Variants in AAMDC observed in about 807,000 individuals in gnomAD.
AAMDC encodes mth938 domain-containing protein.
In AAMDC, 16 loss-of-function variants were observed where a neutral mutation model predicts 15.5. That is an observed-to-expected ratio of 1.03 (90% CI 0.70 to 1.57). AAMDC has a LOEUF of 1.57. AAMDC is among the 40% of genes most tolerant of loss of function. AAMDC has a pLI of 0.00. For synonymous variants in AAMDC, 51 were observed against 51.6 expected, an observed-to-expected ratio of 0.99 and a Z score of 0.05; for missense variants, 141 against 144.9, an observed-to-expected ratio of 0.97 and a Z score of 0.14.
chr11:77,884,399 A>T (rs940546729), intron 5 of AAMDC, among the ~76,000 whole-genome samples: 2 of 152,110 alleles, frequency 1.3e-5, no homozygotes, highest in African/African-American at 4.8e-5. Flanking sequence ...CTCTCTCTCT[A>T]CGGAGAGACG....
intron 1 of AAMDC, among the ~76,000 whole-genome samples, chr11:77,824,790 A>G (rs1347641146): frequency 2.0e-5 from 3 of 152,338 alleles, no homozygotes; most frequent in Non-Finnish European, 1.5e-5. Flanking sequence ...TTATTTCTCA[A>G]AATTCATTGA....
At chr11:77,880,123 G>A (rs780240791) in intron 5 of AAMDC, among the ~76,000 whole-genome samples, 1 of 152,186 alleles carries the variant, frequency 6.6e-6, no homozygotes, top group African/African-American at 2.4e-5. Context: ...AGTGAGCTTG[G>A]GATGTCTCCT....
rs1455459273 is a variant in AAMDC, at chr11:77,832,993, GTGTGTA to G, written c.-18-9484_-18-9479del. Among the ~76,000 whole-genome samples the G allele has an allele frequency of 8.8e-4, 47 of 53,536 alleles. 2 individuals carry two copies. The highest frequency in any genetic ancestry group is 0.018 in the Middle Eastern group (2 of 110). The allele number at this position is 53,536 out of a possible 152,430, so 35.1% of individuals were successfully genotyped here. ...TGTGTGTGTGTGTGTGTGTGTGTGT[GTGTGTA>G]TATATATATATTTTTTTTTTTTTTT... On this transcript the variant is annotated intron_variant, in intron 1 of 3. Transcript: ENST00000393427.
At chr11:77,884,078 C>T (rs1951894912) in intron 5 of AAMDC, 1 of 934,704 alleles carries the variant, frequency 1.1e-6, no homozygotes, top group Admixed American at 2.3e-5. Flanking sequence ...TAAGATTGAG[C>T]CTTGGGGGTA....
chr11:77,902,643 C>A (rs1952812478), downstream of AAMDC, among the ~76,000 whole-genome samples: 2 of 152,118 alleles, frequency 1.3e-5, no homozygotes, highest in Admixed American at 1.3e-4. Flanking sequence ...GTTAATTAAG[C>A]TAATAGACTT....
intron 5 of AAMDC, among the ~76,000 whole-genome samples, chr11:77,897,899 C>A (rs1051708397): frequency 6.6e-6 from 1 of 152,074 alleles, no homozygotes; most frequent in Non-Finnish European, 1.5e-5. Flanking sequence ...GCCTTGAACT[C>A]CTGGGCTCAA....
intron 2 of AAMDC, 100 bp from the exon 3 acceptor site, chr11:77,869,622 C>A: frequency 8.6e-7 from 1 of 1,165,776 alleles, no homozygotes; most frequent in Non-Finnish European, 1.3e-6. Flanking sequence ...ACAAAGTGAA[C>A]CTCAGTAGAC....
downstream of AAMDC, among the ~76,000 whole-genome samples, chr11:77,903,092 A>AG (rs926954998): frequency 6.6e-6 from 1 of 152,202 alleles, no homozygotes; most frequent in Non-Finnish European, 1.5e-5. Context: ...TTTATAGAAG[A>AG]GAAAAAATCC....
At chr11:77,823,293 G>T (rs1445674806) in intron 1 of AAMDC, among the ~76,000 whole-genome samples, 2 of 148,166 alleles carry the variant, frequency 1.3e-5, no homozygotes, top group Non-Finnish European at 3.0e-5. Flanking sequence ...CACTGCCAAA[G>T]AAGTTTTAAT....
intron 5 of AAMDC, chr11:77,883,720 CA>C: frequency 8.6e-7 from 1 of 1,168,906 alleles, no homozygotes; most frequent in Admixed American, 2.5e-5. Context: ...TCAATTCTTA[CA>C]AGGCCTGATT....
chr11:77,883,736 C>T (rs1002936122), intron 5 of AAMDC: 5 of 1,285,816 alleles, frequency 3.9e-6, no homozygotes, highest in Non-Finnish European at 5.4e-6. Context: ...CTGATTCATC[C>T]ATGTATTTTT....
chr11:77,877,707 G>A (rs1446259161), intron 5 of AAMDC, among the ~76,000 whole-genome samples: 1 of 152,068 alleles, frequency 6.6e-6, no homozygotes, highest in Non-Finnish European at 1.5e-5. Context: ...CAGTACCAAA[G>A]GTTAACCTCT....
rs1345432097 is a variant in AAMDC, at chr11:77,832,949, ATATGTGTGTGTGTGTG to A, written c.-18-9528_-18-9513del. Reference sequence around the variant, plus strand: ...TTATTGTGCACTTTATTGTATATATATATGTGTGTGTGTGTGTGTGTGTGTGTGTGTGTGTGTGTGT... The same window carrying A: ...TTATTGTGCACTTTATTGTATATATATGTGTGTGTGTGTGTGTGTGTGTGT... On this transcript the variant is annotated intron_variant, in intron 1 of 3. Transcript: ENST00000393427. Among the ~76,000 whole-genome samples the A allele has an allele frequency of 1.4e-3, 131 of 96,262 alleles. 5 individuals are homozygous for A. Among genetic ancestry groups the A allele is most frequent in the African/African-American group, 4.6e-3 (96 of 20,972 alleles). The allele number at this position is 96,262 out of a possible 152,430, so 63.2% of individuals were successfully genotyped here.
At chr11:77,892,626 G>A (rs529127437) in intron 5 of AAMDC, among the ~76,000 whole-genome samples, 11 of 151,840 alleles carry the variant, frequency 7.2e-5, no homozygotes, top group East Asian at 1.9e-4. Flanking sequence ...ACTATTGCCC[G>A]GGCTGGTGTG....
At chr11:77,902,153 C>T (rs187631041), downstream of AAMDC, among the ~76,000 whole-genome samples, 567 of 152,264 alleles carry the variant, frequency 3.7e-3, 6 homozygotes, top group Non-Finnish European at 6.9e-3. Flanking sequence ...TCTAGGGTCA[C>T]GGAAATGACT....
In AAMDC at chr11:77,840,257, A is replaced by G. The variant is rs12422061; in HGVS notation, c.-18-2222A>G. ...ACCTTTTGAATTAAAAGTATCTTTA[A>G]GTGGCTCACGCCTGTAATCCCAGCA... is the stretch of plus-strand genomic sequence containing the variant. On this transcript the variant is annotated intron_variant, in intron 1 of 3. Coordinates refer to ENST00000393427, the MANE Select transcript of AAMDC (RefSeq NM_024684.4). Among the ~76,000 whole-genome samples the G allele has an allele frequency of 2.0e-3, 299 of 152,274 alleles. 6 individuals are homozygous for G. In the East Asian group the frequency reaches 0.03, roughly 15 times the overall value.
intron 5 of AAMDC, among the ~76,000 whole-genome samples, chr11:77,888,013 C>T (rs9667082): frequency 6.6e-6 from 1 of 152,064 alleles, no homozygotes; most frequent in Non-Finnish European, 1.5e-5. Flanking sequence ...GTAATTTATA[C>T]ATTCAATGCC....
At position 77,864,608 on chromosome 11, in the gene AAMDC, A is replaced by G. The variant is rs552079481; in HGVS notation, c.133-5114A>G. 3.3e-5 allele frequency among the ~76,000 whole-genome samples: 5 copies of G among 152,334 alleles called. No homozygotes were observed. In the East Asian group the frequency reaches 5.8e-4, roughly 18 times the overall value. Reference sequence around the variant, plus strand: ...AAGGTTCATACTGGAAGCAGCAACTATGAAATTGACATAGAAGGAATAGTA... The same window carrying G: ...AAGGTTCATACTGGAAGCAGCAACTGTGAAATTGACATAGAAGGAATAGTA... On this transcript the variant is annotated intron_variant, in intron 2 of 3. Transcript: ENST00000393427.
intron 2 of AAMDC, among the ~76,000 whole-genome samples, chr11:77,848,295 G>A (rs1052010763): frequency 1.3e-5 from 2 of 152,116 alleles, no homozygotes; most frequent in African/African-American, 4.8e-5. Flanking sequence ...CTTCAGAAAT[G>A]GCTTTAGTGC....
Sources: gnomAD v4.1 joint callset for allele counts (sites outside exome capture counted in the v4.1 genomes callset) on GRCh38, gnomAD v4.1.1 for gene constraint, MANE v1.5 for transcripts, NCBI Gene and HGNC (gene_info 2026-07-23, HGNC 2026-07-21) for gene names.